Variants in LRRC20 observed in about 807,000 individuals in gnomAD.
The protein encoded by LRRC20 is leucine rich repeat containing 20.
LRRC20 carries 11 observed loss-of-function variants against 14.4 expected under a neutral mutation model. The ratio of observed to expected loss-of-function variants is 0.77; its 90% confidence interval spans 0.48 to 1.27. The LOEUF (loss-of-function observed/expected upper bound fraction) is 1.27, where lower values mean the gene tolerates loss of function less well. LRRC20 is among the 50% of genes most tolerant of loss of function. LRRC20 has a pLI of 0.00. For missense variants in LRRC20, 219 were observed against 251.2 expected (o/e 0.87, Z 0.87); for synonymous variants, 121 against 107.3 (o/e 1.13, Z -0.79).
chr10:70,310,794 A>G (rs1841625006), intron 4 of LRRC20, among the ~76,000 whole-genome samples: 1 of 152,202 alleles, frequency 6.6e-6, no homozygotes, highest in Non-Finnish European at 1.5e-5. Context: ...CCCTGGCCTC[A>G]CCCATTCTGT....
At chr10:70,330,901 A>T (rs550734734) in intron 3 of LRRC20, among the ~76,000 whole-genome samples, 1 of 152,350 alleles carries the variant, frequency 6.6e-6, no homozygotes, top group African/African-American at 2.4e-5. Context: ...TCTTAGCATT[A>T]GCTGAGAAGC....
intron 3 of LRRC20, among the ~76,000 whole-genome samples, chr10:70,328,712 G>A (rs1012133584): frequency 2.6e-5 from 4 of 152,234 alleles, no homozygotes; most frequent in Non-Finnish European, 5.9e-5. Flanking sequence ...GGGGCCAGGA[G>A]TTCAAGACCA....
At chr10:70,333,250 C>G (rs1422098979) in intron 3 of LRRC20, among the ~76,000 whole-genome samples, 2 of 152,176 alleles carry the variant, frequency 1.3e-5, no homozygotes, top group African/African-American at 2.4e-5. Flanking sequence ...GTGTACCCTC[C>G]TCCCCCAACA....
At chr10:70,310,256 T>C (rs549777606) in intron 4 of LRRC20, among the ~76,000 whole-genome samples, 2 of 152,310 alleles carry the variant, frequency 1.3e-5, no homozygotes, top group South Asian at 2.1e-4. Context: ...GAGAGGGAGA[T>C]AGCTGGAGGC....
rs188931062 is a variant in LRRC20 at position 70,301,647 on chromosome 10, G to C, written c.401-139C>G. 108 of 1,018,388 alleles carry C rather than the reference G, an allele frequency of 1.1e-4. No individual in the cohort carries two copies. In the Middle Eastern group the frequency reaches 1.4e-3, roughly 13 times the overall value. 63.1% of individuals were successfully genotyped at this position (1,018,388 alleles called of 1,614,324 possible). A position where few individuals can be genotyped will look rare whatever the true frequency, so the allele number is the denominator to read the frequency against. Reference sequence around the variant, plus strand: ...CCCACTGCACGTGGGCTCAGCTCCTGGTGCCCAGCCCTGTGCAAAGGGCCA... The same window carrying C: ...CCCACTGCACGTGGGCTCAGCTCCTCGTGCCCAGCCCTGTGCAAAGGGCCA... On this transcript the variant is annotated intron_variant, in intron 4 of 4. Transcript: ENST00000446961.
chr10:70,313,353 T>C (rs981953273), intron 4 of LRRC20, among the ~76,000 whole-genome samples: 1 of 152,176 alleles, frequency 6.6e-6, no homozygotes, highest in African/African-American at 2.4e-5. Context: ...ACAATTTTGC[T>C]GTCCCCTCTC....
At chr10:70,307,457 C>T (rs1841468349) in intron 4 of LRRC20, among the ~76,000 whole-genome samples, 1 of 152,216 alleles carries the variant, frequency 6.6e-6, no homozygotes, top group Admixed American at 6.5e-5. Context: ...TCCTGCACCC[C>T]CAACAAAGGC....
intron 2 of LRRC20, among the ~76,000 whole-genome samples, chr10:70,343,488 G>T (rs980265103): frequency 3.3e-5 from 5 of 152,230 alleles, no homozygotes; most frequent in African/African-American, 9.6e-5. Context: ...CCCTGCGGCT[G>T]CCCAGTGTCA....
At chr10:70,325,479 G>C (rs536577481) in intron 3 of LRRC20, among the ~76,000 whole-genome samples, 1 of 152,280 alleles carries the variant, frequency 6.6e-6, no homozygotes, top group South Asian at 2.1e-4. Context: ...GAGCACGCAG[G>C]CAACAGCTCT....
At chr10:70,309,250 C>A (rs1364938649) in intron 4 of LRRC20, among the ~76,000 whole-genome samples, 1 of 152,172 alleles carries the variant, frequency 6.6e-6, no homozygotes, top group Non-Finnish European at 1.5e-5. Flanking sequence ...AGGTGTAGCA[C>A]CTTTGTCTAA....
At chr10:70,332,073 C>A (rs536441445) in intron 3 of LRRC20, among the ~76,000 whole-genome samples, 1 of 152,330 alleles carries the variant, frequency 6.6e-6, no homozygotes, top group East Asian at 1.9e-4. Context: ...AGCACCTCGG[C>A]TCTGAACCTG....
At chr10:70,311,841 A>G (rs2136898978) in intron 4 of LRRC20, among the ~76,000 whole-genome samples, 1 of 152,280 alleles carries the variant, frequency 6.6e-6, no homozygotes, top group East Asian at 1.9e-4. Flanking sequence ...ACTCCCACCT[A>G]TGTCTGTGGG....
chr10:70,325,916 CAT>C (rs539118469), intron 3 of LRRC20, among the ~76,000 whole-genome samples: 50 of 151,790 alleles, frequency 3.3e-4, no homozygotes, highest in African/African-American at 1.2e-3. Flanking sequence ...TGATTCTACA[CAT>C]GATTTTAATG....
intron 2 of LRRC20, among the ~76,000 whole-genome samples, 167 bp downstream of exon 2, chr10:70,376,285 G>A (rs113722450): frequency 1.2e-3 from 184 of 152,342 alleles, no homozygotes; most frequent in African/African-American, 4.2e-3. Flanking sequence ...CCCACAGTAA[G>A]AAATGTCTTA....
chr10:70,340,819 C>T, intron 2 of LRRC20, 117 bp from the exon 3 acceptor site: 1 of 1,094,710 alleles, frequency 9.1e-7, no homozygotes, highest in Non-Finnish European at 1.3e-6. Flanking sequence ...GCCCTCCCAC[C>T]TGTCTCCCCA....
intron 4 of LRRC20, among the ~76,000 whole-genome samples, chr10:70,317,540 G>A (rs1208584250): frequency 1.3e-5 from 2 of 151,954 alleles, no homozygotes; most frequent in Non-Finnish European, 2.9e-5. Context: ...CCTGGCTAAT[G>A]TTTTTTTAAA....
intron 4 of LRRC20, among the ~76,000 whole-genome samples, chr10:70,307,138 A>G (rs78833875): frequency 0.011 from 1,608 of 152,316 alleles, 34 homozygotes; most frequent in African/African-American, 0.037. Context: ...GGGGAAGAGT[A>G]TTAGTGCCCA....
intron 3 of LRRC20, among the ~76,000 whole-genome samples, chr10:70,332,871 G>T (rs1842588802): frequency 6.6e-6 from 1 of 152,204 alleles, no homozygotes; most frequent in African/African-American, 2.4e-5. Context: ...GAGTAGAAGA[G>T]CAGACTTATT....
At position 70,300,712 on chromosome 10, in the gene LRRC20, G is replaced by A. The variant is rs1479763938; in HGVS notation, c.*642C>T. Reference sequence around the variant, plus strand: ...CCCCATTCCCAGCCTGCTGGTCCTCGGGCTCCTACATGAATGTTCTTGCCC... The same window carrying A: ...CCCCATTCCCAGCCTGCTGGTCCTCAGGCTCCTACATGAATGTTCTTGCCC... On this transcript the variant is annotated 3_prime_UTR_variant, in exon 5 of 5. Coordinates refer to ENST00000446961, the MANE Select transcript of LRRC20 (RefSeq NM_001278212.2). 4 of 985,418 alleles carry A rather than the reference G, an allele frequency of 4.1e-6. No homozygotes were observed. Among genetic ancestry groups the A allele is most frequent in the Non-Finnish European group, 4.8e-6 (4 of 830,062 alleles). The allele number at this position is 985,418 out of a possible 1,614,324, so 61.0% of individuals were successfully genotyped here.
Sources: allele counts gnomAD v4.1 joint callset (sites outside exome capture counted in the v4.1 genomes callset), GRCh38; gene constraint gnomAD v4.1.1; transcripts MANE v1.5; gene names NCBI Gene and HGNC (gene_info 2026-07-23, HGNC 2026-07-21).